Variants in ADSS2 observed in about 807,000 individuals in gnomAD.
The protein encoded by ADSS2 is adenylosuccinate synthetase isozyme 2.
ADSS2 carries 30 observed loss-of-function variants against 60.0 expected under a neutral mutation model. The observed-to-expected ratio is 0.50, with a 90% CI of 0.37 to 0.68. The LOEUF (loss-of-function observed/expected upper bound fraction) is 0.68. Ranked by LOEUF, ADSS2 falls within the 30% of genes least tolerant of loss-of-function variation. ADSS2 has a pLI of 0.00. For synonymous variants in ADSS2, 187 were observed against 193.1 expected (o/e 0.97, Z 0.26); for missense variants, 373 against 554.8 (o/e 0.67, Z 3.29).
In ADSS2 at chr1:244,408,670, T is replaced by G. The variant is rs921577846; in HGVS notation, c.*916A>C. The G allele has an allele frequency of 6.6e-6, 1 of 152,048 alleles. No individual in the cohort carries two copies. Among genetic ancestry groups the G allele is most frequent in the Non-Finnish European group, 1.5e-5 (1 of 67,912 alleles). 9.4% of individuals were successfully genotyped at this position (152,048 alleles called of 1,614,324 possible). On this transcript the variant is annotated 3_prime_UTR_variant, in exon 13 of 13. Transcript: ENST00000366535. ...CAAGAAAGGAGAAATAAAGGCATAA[T>G]CAAAATTATGGCTAACAACGTGGGT...
Position 244,451,640 on chromosome 1 carries a change from A to G in ADSS2, c.178T>C (p.Cys60Arg). The G allele has an allele frequency of 6.2e-7, 1 of 1,609,406 alleles. No homozygotes were observed. Among genetic ancestry groups the G allele is most frequent in the Non-Finnish European group, 8.5e-7 (1 of 1,177,692 alleles). ...LAQDADIVCR[C>R]QGGNNAGHTV... is the part of the protein sequence containing the mutation. Reference sequence around the variant, plus strand: ...GAGAGGCCCCGTCGCCTCACCTGGCAGCGGCACACGATGTCGGCGTCCTGC... The same window carrying G: ...GAGAGGCCCCGTCGCCTCACCTGGCGGCGGCACACGATGTCGGCGTCCTGC... The change falls in exon 1 of 13, where the codon TGC becomes CGC. Residue 60 changes from cysteine to arginine, a missense_variant. Around this residue, in one of 5 missense-constraint regions of ADSS2, gnomAD observed 29 missense variants for 73.3 expected, o/e 0.40. Transcript: ENST00000366535. The surrounding 1 kb of genome is among the most constrained non-coding windows in gnomAD (Gnocchi z 6.6).
intron 1 of ADSS2, among the ~76,000 whole-genome samples, chr1:244,449,045 C>A (rs1431077430): frequency 1.3e-5 from 2 of 152,084 alleles, no homozygotes; most frequent in African/African-American, 4.8e-5. Context: ...AGTGGTTGTC[C>A]TTTGATGCAA....
At chr1:244,443,688 A>G (rs542182240) in intron 1 of ADSS2, among the ~76,000 whole-genome samples, 1 of 152,374 alleles carries the variant, frequency 6.6e-6, no homozygotes, top group South Asian at 2.1e-4. Context: ...GCATCTGAAT[A>G]TTAAAAACAT....
chr1:244,452,005 G>A (rs928037740), upstream of ADSS2: 2 of 558,002 alleles, frequency 3.6e-6, no homozygotes, highest in Non-Finnish European at 2.9e-6. Context: ...CCGCTCAAGG[G>A]GGTACCATGA....
At chr1:244,432,930 C>A (rs1407836753) in intron 3 of ADSS2, among the ~76,000 whole-genome samples, 1 of 151,990 alleles carries the variant, frequency 6.6e-6, no homozygotes, top group African/African-American at 2.4e-5. Context: ...AGCCTAAGAT[C>A]TTAATTTCTT....
chr1:244,435,197 A>AAC (rs1665065422), intron 3 of ADSS2, among the ~76,000 whole-genome samples: 2 of 128,222 alleles, frequency 1.6e-5, no homozygotes, highest in African/African-American at 2.8e-5. Flanking sequence ...AAAAAAAAAA[A>AAC]CAAACCTGAA....
At chr1:244,427,016 TAAATA>T (rs1664822116) in intron 4 of ADSS2, among the ~76,000 whole-genome samples, 1 of 152,186 alleles carries the variant, frequency 6.6e-6, no homozygotes. Flanking sequence ...ACATAGATAT[TAAATA>T]AAAGAACAGC....
At chr1:244,432,797 T>C (rs950526041) in intron 3 of ADSS2, among the ~76,000 whole-genome samples, 1 of 151,446 alleles carries the variant, frequency 6.6e-6, no homozygotes, top group Admixed American at 6.6e-5. Context: ...CCCAAGTAGT[T>C]GGGACTACAG....
chr1:244,434,447 A>G (rs890918572), intron 3 of ADSS2, among the ~76,000 whole-genome samples: 1 of 152,180 alleles, frequency 6.6e-6, no homozygotes, highest in African/African-American at 2.4e-5. Flanking sequence ...AGCTGCAAAC[A>G]TTTCAAAACT....
chr1:244,441,749 G>A (rs1665254149), intron 1 of ADSS2, among the ~76,000 whole-genome samples: 1 of 152,078 alleles, frequency 6.6e-6, no homozygotes, highest in African/African-American at 2.4e-5. Flanking sequence ...AAGGTCAGGA[G>A]ACTGAGACCA....
intron 4 of ADSS2, chr1:244,424,604 C>A: frequency 2.7e-6 from 1 of 374,818 alleles, no homozygotes; most frequent in South Asian, 5.3e-5. Context: ...GCAGTCTATA[C>A]TATTTTAAAA....
chr1:244,442,608 G>A lies in ADSS2; in HGVS notation c.184-4840C>T, dbSNP rs149934199. Among the ~76,000 whole-genome samples, 252 of 152,266 alleles carry A rather than the reference G, an allele frequency of 1.7e-3. 1 individual carries two copies. The highest frequency in any genetic ancestry group is 5.7e-3 in the African/African-American group (236 of 41,546). On this transcript the variant is annotated intron_variant, in intron 1 of 12. Transcript: ENST00000366535. ...TGCTTATTTATATTTGGTCACTAGT[G>A]CTCTGTGAGGCAGTTGGGGTATAAC...
chr1:244,433,171 G>C (rs1318017156), intron 3 of ADSS2, among the ~76,000 whole-genome samples: 1 of 152,128 alleles, frequency 6.6e-6, no homozygotes, highest in Non-Finnish European at 1.5e-5. Context: ...AGGAGGCAGA[G>C]GTTGCAGTAA....
intron 11 of ADSS2, among the ~76,000 whole-genome samples, chr1:244,415,517 T>A (rs1664508640): frequency 6.6e-6 from 1 of 152,262 alleles, no homozygotes; most frequent in South Asian, 2.1e-4. Flanking sequence ...GGCATATTCC[T>A]AATCCTTATC....
intron 1 of ADSS2, 106 bp from the exon 2 acceptor site, chr1:244,437,874 A>T: frequency 1.2e-6 from 1 of 853,146 alleles, no homozygotes; most frequent in Non-Finnish European, 1.9e-6. Flanking sequence ...TCAACTTAAG[A>T]GAGCCCAAAT....
In ADSS2 at chr1:244,451,875, C is replaced by T. The variant is rs1167995198; in HGVS notation, c.-58G>A. The T allele has an allele frequency of 1.5e-5, 21 of 1,441,730 alleles. No individual in the cohort carries two copies. Among genetic ancestry groups the T allele is most frequent in the South Asian group, 2.7e-5 (2 of 73,144 alleles). The allele number at this position is 1,441,730 out of a possible 1,614,324, so 89.3% of individuals were successfully genotyped here. On this transcript the variant is annotated 5_prime_UTR_variant, in exon 1 of 13. Transcript: ENST00000366535. The surrounding 1 kb of genome is among the most constrained non-coding windows in gnomAD (Gnocchi z 6.6). ...AGGCGGCCGGCGAGGAGTGAGCGAA[C>T]TGAACTGCTCTGCGGCCGCCAGCCA...
chr1:244,424,179 A>C, intron 5 of ADSS2, 119 bp from the exon 6 acceptor site: 1 of 1,180,218 alleles, frequency 8.5e-7, no homozygotes, highest in South Asian at 1.5e-5. Flanking sequence ...ATTTCTTGCT[A>C]AGTATATGTT....
intron 10 of ADSS2, among the ~76,000 whole-genome samples, chr1:244,416,962 A>C (rs1356581638): frequency 1.3e-5 from 2 of 152,208 alleles, no homozygotes; most frequent in African/African-American, 4.8e-5. Context: ...CTCGTCCAAA[A>C]ACTGTATTTT....
At chr1:244,428,612 C>CGGA (rs1219767149) in intron 4 of ADSS2, among the ~76,000 whole-genome samples, 1 of 150,080 alleles carries the variant, frequency 6.7e-6, no homozygotes, top group Non-Finnish European at 1.5e-5. Flanking sequence ...AAATTTAAAC[C>CGGA]AAAGAAAGTA....
Sources: allele counts gnomAD v4.1 joint callset (sites outside exome capture counted in the v4.1 genomes callset), GRCh38; gene constraint gnomAD v4.1.1; regional missense constraint gnomAD v4.1.1; non-coding constraint Gnocchi (gnomAD v3.1); transcripts MANE v1.5; gene names NCBI Gene and HGNC (gene_info 2026-07-23, HGNC 2026-07-21).